EMC8: variants seen among roughly 807,000 people sequenced by gnomAD.
EMC8 encodes the protein ER membrane protein complex subunit 8, also known as COX4 neighbor.
Under a neutral mutation model 24.3 loss-of-function variants are expected in EMC8, and 11 were observed. The ratio of observed to expected loss-of-function variants is 0.45; its 90% CI spans 0.28 to 0.75. The LOEUF (loss-of-function observed/expected upper bound fraction) is 0.75, where lower values mean the gene tolerates loss of function less well. Ranked by LOEUF, EMC8 falls within the 30% of genes least tolerant of loss-of-function variation. The probability of loss-of-function intolerance (pLI) is 0.12; values close to 1 mark genes in which losing one functional copy is unlikely to be tolerated. For synonymous variants in EMC8, 145 were observed against 117.7 expected (o/e 1.23, Z -1.50); for missense variants, 277 against 282.7 (o/e 0.98, Z 0.14).
chr16:85,781,529 C>A, intron 2 of EMC8: 3 of 386,886 alleles, frequency 7.8e-6, no homozygotes, highest in East Asian at 5.0e-5. Context: ...TTCCTAGGCT[C>A]AAGCAATCCC....
chr16:85,795,101 T>C (rs908380386), intron 1 of EMC8, among the ~76,000 whole-genome samples: 1 of 152,164 alleles, frequency 6.6e-6, no homozygotes, highest in Non-Finnish European at 1.5e-5. Flanking sequence ...CAGAAGTGTT[T>C]AACTCTGTCA....
At position 85,779,193 on chromosome 16, in the gene EMC8, G is replaced by GA. The variant is rs1412766342; in HGVS notation, c.*514dup. The GA allele has an allele frequency of 2.6e-5, 4 of 154,662 alleles. No homozygotes were observed. The highest frequency in any genetic ancestry group is 2.9e-5 in the Non-Finnish European group (2 of 69,762). The allele number at this position is 154,662 out of a possible 1,614,324, so 9.6% of individuals were successfully genotyped here. On this transcript the variant is annotated 3_prime_UTR_variant, in exon 5 of 5. Coordinates refer to ENST00000253457, the MANE Select transcript of EMC8 (RefSeq NM_006067.5). ...TCACAGCCCAGCCTACCTGACCACA[G>GA]AAACACCCACACAGAGCTTCTCAAA...
At position 85,799,263 on chromosome 16, in the gene EMC8, G is replaced by A. The variant is rs978983631; in HGVS notation, c.33C>T (p.Tyr11=). 2 of 1,611,284 alleles carry A rather than the reference G, an allele frequency of 1.2e-6. No individual in the cohort carries two copies. The highest frequency in any genetic ancestry group is 1.7e-6 in the Non-Finnish European group (2 of 1,179,616). Residue 11 remains tyrosine (Y), a synonymous_variant, in exon 1 of 5, where the codon TAC becomes TAT. Transcript: ENST00000253457. The surrounding 1 kb of genome is among the most constrained non-coding windows in gnomAD (Gnocchi z 4.2). MPGVKLTTQA[Y]CKMVLHGAKY... is the part of the protein sequence containing the mutation. ...TGGCGCCGTGCAGCACCATCTTGCA[G>A]TAGGCCTGGGTGGTCAGTTTCACCC...
chr16:85,792,986 G>C (rs931683566), intron 1 of EMC8: 1 of 152,190 alleles, frequency 6.6e-6, no homozygotes, highest in Admixed American at 6.5e-5. Context: ...GACACCTTCC[G>C]CATTCTGCAC....
intron 3 of EMC8, chr16:85,780,892 G>T: frequency 2.2e-6 from 1 of 464,668 alleles, no homozygotes. Context: ...TCTTAACATG[G>T]ACTGCTGGGC....
intron 2 of EMC8, among the ~76,000 whole-genome samples, chr16:85,788,181 C>A (rs1219212230): frequency 2.0e-5 from 3 of 152,264 alleles, no homozygotes; most frequent in Admixed American, 6.5e-5. Flanking sequence ...CATGTACTGA[C>A]TGCTCTGGGC....
At chr16:85,795,748 C>G (rs1190632558) in intron 1 of EMC8, among the ~76,000 whole-genome samples, 1 of 152,174 alleles carries the variant, frequency 6.6e-6, no homozygotes, top group East Asian at 1.9e-4. Context: ...CTGTGAGTTG[C>G]TCCAGCAAAT....
chr16:85,787,940 T>A (rs1904827208), intron 2 of EMC8, among the ~76,000 whole-genome samples: 1 of 152,190 alleles, frequency 6.6e-6, no homozygotes, highest in Admixed American at 6.5e-5. Flanking sequence ...CTGTATTATT[T>A]CCAAAGTGCT....
At chr16:85,798,497 C>G (rs1473469797) in intron 1 of EMC8, 2 of 152,330 alleles carry the variant, frequency 1.3e-5, no homozygotes, top group African/African-American at 2.4e-5. Context: ...GGAACAAATT[C>G]TCTTTACACA....
chr16:85,791,697 C>G (rs1905019593), intron 1 of EMC8, among the ~76,000 whole-genome samples: 1 of 152,210 alleles, frequency 6.6e-6, no homozygotes, highest in Non-Finnish European at 1.5e-5. Context: ...AATCCTTTTC[C>G]TTGCCTTTTC....
At chr16:85,780,662 G>A (rs564186989) in intron 3 of EMC8, 189 bp from the exon 4 acceptor site, 4 of 588,702 alleles carry the variant, frequency 6.8e-6, no homozygotes, top group South Asian at 4.1e-5. Context: ...GCAGGAAAAC[G>A]TCAAGTCCTT....
In EMC8 at chr16:85,791,262, C is replaced by A. The variant is rs79425305; in HGVS notation, c.232-2212G>T. ...TTTCTAACTTCAAATTCCCTAATTT[C>A]TTCCATTTCTGAAATAAACCGTACT... On this transcript the variant is annotated intron_variant, in intron 1 of 4. Transcript: ENST00000253457. 1.3e-4 allele frequency among the ~76,000 whole-genome samples: 20 copies of A among 152,176 alleles called. No homozygotes were observed. In the East Asian group the frequency reaches 3.9e-3, roughly 29 times the overall value.
In EMC8 at chr16:85,781,309, A is replaced by G. The variant is rs1344115894; in HGVS notation, c.309-29T>C. 6 of 1,374,956 alleles carry G rather than the reference A, an allele frequency of 4.4e-6. No homozygotes were observed. In the South Asian group the frequency reaches 7.0e-5, roughly 16 times the overall value. 85.2% of individuals were successfully genotyped at this position (1,374,956 alleles called of 1,614,324 possible). A position where few individuals can be genotyped will look rare whatever the true frequency, so the allele number is the denominator to read the frequency against. ...TCAAAGAAATAGGCTACCACATTCC[A>G]GTTAATGCCATTCAACACTGTTTAC... On this transcript the variant is annotated intron_variant, in intron 2 of 4. Transcript: ENST00000253457.
chr16:85,794,114 T>C (rs1287429383), intron 1 of EMC8, among the ~76,000 whole-genome samples: 1 of 152,194 alleles, frequency 6.6e-6, no homozygotes, highest in Non-Finnish European at 1.5e-5. Context: ...CACAGCTGCA[T>C]GGATTTAGAT....
At chr16:85,790,962 G>T (rs903800532) in intron 1 of EMC8, among the ~76,000 whole-genome samples, 1 of 152,102 alleles carries the variant, frequency 6.6e-6, no homozygotes, top group South Asian at 2.1e-4. Flanking sequence ...GAGTAGCTGG[G>T]ACTACAGGTG....
At chr16:85,786,333 G>A (rs929512210) in intron 2 of EMC8, among the ~76,000 whole-genome samples, 5 of 152,234 alleles carry the variant, frequency 3.3e-5, no homozygotes, top group African/African-American at 1.2e-4. Context: ...TCTGGCTGAA[G>A]AGAGGGGAAG....
At chr16:85,785,970 T>C (rs1214731225) in intron 2 of EMC8, among the ~76,000 whole-genome samples, 2 of 151,700 alleles carry the variant, frequency 1.3e-5, no homozygotes, top group African/African-American at 2.4e-5. Context: ...CAACAATGAA[T>C]CATATAATAA....
At chr16:85,780,041 G>A (rs1468864149) in intron 4 of EMC8, 174 bp from the exon 5 acceptor site, 3 of 618,896 alleles carry the variant, frequency 4.8e-6, no homozygotes, top group African/African-American at 1.8e-5. Flanking sequence ...TAGAAGACAT[G>A]GTTAATACAT....
intron 2 of EMC8, 87 bp downstream of exon 2, chr16:85,788,887 C>G (rs541299898): frequency 3.3e-6 from 3 of 921,666 alleles, no homozygotes; most frequent in Non-Finnish European, 5.4e-6. Flanking sequence ...TCACAGGTTT[C>G]GTATCTGGCC....
Sources: gnomAD v4.1 joint callset for allele counts (sites outside exome capture counted in the v4.1 genomes callset) on GRCh38, gnomAD v4.1.1 for gene constraint, Gnocchi (gnomAD v3.1) non-coding constraint, MANE v1.5 for transcripts, NCBI Gene and HGNC (gene_info 2026-07-23, HGNC 2026-07-21) for gene names.